COL5A1: variants seen among roughly 807,000 people sequenced by gnomAD.
COL5A1 encodes the protein collagen type V alpha 1 chain, also known as collagen alpha-1(V) chain.
COL5A1 carries 16 observed loss-of-function variants against 263.7 expected under a neutral mutation model. That is an observed-to-expected ratio of 0.06 (90% CI 0.04 to 0.09). COL5A1 has a LOEUF of 0.09. Ranked by LOEUF, COL5A1 falls within the 10% of genes least tolerant of loss-of-function variation. The pLI is 1.00. For synonymous variants in COL5A1, 1,012 were observed against 1,004.5 expected (o/e 1.01, Z -0.14); for missense variants, 2,036 against 2,540.5 (o/e 0.80, Z 4.27).
chr9:134,837,495 T>C (rs1839887298), intron 65 of COL5A1, among the ~76,000 whole-genome samples: 1 of 151,922 alleles, frequency 6.6e-6, no homozygotes, highest in Admixed American at 6.6e-5. Context: ...TCCCAGTTCC[T>C]CTTGAAGCTC....
At position 134,839,051 on chromosome 9, in the gene COL5A1, C is replaced by A. The variant is rs556291967; in HGVS notation, c.5371-3106C>A. Among the ~76,000 whole-genome samples, 10 of 152,358 alleles carry A rather than the reference C, an allele frequency of 6.6e-5. No homozygotes were observed. The South Asian group carries it at 2.1e-3, about 32-fold the overall frequency. ...GAGGCCCTGATGCCCCGAACTCGGG[C>A]CAGCGGCAAAAGCCCTGCCTCAGCC... is the stretch of plus-strand genomic sequence containing the variant. On this transcript the variant is annotated intron_variant, in intron 65 of 65. Coordinates refer to ENST00000371817, the MANE Select transcript of COL5A1 (RefSeq NM_000093.5).
chr9:134,837,989 T>G (rs1839903798), intron 65 of COL5A1, among the ~76,000 whole-genome samples: 1 of 152,184 alleles, frequency 6.6e-6, no homozygotes, highest in South Asian at 2.1e-4. Context: ...GACAGTGATC[T>G]CACTACCTCC....
At chr9:134,812,759 A>G (rs111564392) in intron 48 of COL5A1, 47 bp downstream of exon 48, 1 of 969,712 alleles carries the variant, frequency 1.0e-6, no homozygotes, top group Non-Finnish European at 1.5e-6. Flanking sequence ...TTGTTTGAGG[A>G]GTGTGTGTGT....
intron 46 of COL5A1, among the ~76,000 whole-genome samples, chr9:134,811,831 CTGA>C (rs1157653173): frequency 6.6e-6 from 1 of 152,222 alleles, no homozygotes; most frequent in African/African-American, 2.4e-5. Flanking sequence ...ATTGTGGAAA[CTGA>C]TGATTCGTGA....
At chr9:134,743,518 C>G (rs1588493045) in intron 11 of COL5A1, among the ~76,000 whole-genome samples, 1 of 152,158 alleles carries the variant, frequency 6.6e-6, no homozygotes, top group East Asian at 1.9e-4. Context: ...CTGGGAAGCC[C>G]CAGGGATTCA....
intron 1 of COL5A1, among the ~76,000 whole-genome samples, chr9:134,683,758 G>A (rs997702270): frequency 6.6e-6 from 1 of 152,204 alleles, no homozygotes; most frequent in African/African-American, 2.4e-5. Flanking sequence ...ACCTGAGAGT[G>A]GGTGCTTGTG....
chr9:134,799,296 G>C (rs925900406), intron 37 of COL5A1, among the ~76,000 whole-genome samples: 1 of 152,246 alleles, frequency 6.6e-6, no homozygotes, highest in African/African-American at 2.4e-5. Flanking sequence ...GTGTGTTTCA[G>C]GAAAGGGTGC....
intron 32 of COL5A1, among the ~76,000 whole-genome samples, chr9:134,792,814 T>TGC (rs1588555429): frequency 2.4e-5 from 3 of 126,878 alleles, no homozygotes; most frequent in Admixed American, 8.1e-5. Context: ...CGTGCATGTG[T>TGC]GTGCATGTGT....
chr9:134,662,740 C>T (rs1230921153), intron 1 of COL5A1, among the ~76,000 whole-genome samples: 2 of 152,196 alleles, frequency 1.3e-5, no homozygotes, highest in African/African-American at 2.4e-5. Flanking sequence ...GGGACATGGA[C>T]GGCTGCCAGC....
rs890465030 is a variant in COL5A1 at position 134,742,208 on chromosome 9, C to T, written c.1494+3400C>T. ...TCCATGCTGCATCTGCCTTCTAGCA[C>T]CTCAAATCCTTTCTTGCTCTTGTGC... is the stretch of plus-strand genomic sequence containing the variant. On this transcript the variant is annotated intron_variant, in intron 11 of 65. Transcript: ENST00000371817. This position sits in a 1 kb window ranked among gnomAD's most constrained non-coding sequence, Gnocchi z 4.6. 1.3e-5 allele frequency among the ~76,000 whole-genome samples: 2 copies of T among 152,230 alleles called. No homozygotes were observed. The highest frequency in any genetic ancestry group is 2.4e-5 in the African/African-American group (1 of 41,466).
At chr9:134,760,026 C>CA (rs1836255269) in intron 18 of COL5A1, among the ~76,000 whole-genome samples, 2 of 108,162 alleles carry the variant, frequency 1.8e-5, no homozygotes, top group African/African-American at 4.2e-5. Flanking sequence ...GCACACACAC[C>CA]CACGCACACA....
Position 134,760,458 on chromosome 9 carries a change from C to A in COL5A1, c.1936-1467C>A, listed in dbSNP as rs537823447. On this transcript the variant is annotated intron_variant, in intron 18 of 65. Transcript: ENST00000371817. ...ATGCACACACATGCATACACACCCA[C>A]ACACCCCCACATTCATACACACATG... is the stretch of plus-strand genomic sequence containing the variant. Among the ~76,000 whole-genome samples the A allele has an allele frequency of 6.7e-4, 70 of 104,768 alleles. 3 individuals carry two copies. Among genetic ancestry groups the A allele is most frequent in the African/African-American group, 3.3e-3 (63 of 18,984 alleles). The allele number at this position is 104,768 out of a possible 152,430, so 68.7% of individuals were successfully genotyped here.
intron 4 of COL5A1, among the ~76,000 whole-genome samples, chr9:134,719,491 G>A (rs897203088): frequency 4.6e-5 from 7 of 152,252 alleles, no homozygotes; most frequent in Admixed American, 2.0e-4. Flanking sequence ...CGCTTGGCCT[G>A]CAAGCGGGCC....
chr9:134,802,076 G>T (rs1489835879), intron 38 of COL5A1, 69 bp downstream of exon 38: 2 of 1,481,584 alleles, frequency 1.3e-6, no homozygotes, highest in Admixed American at 1.7e-5. Context: ...GAGGGTCCCA[G>T]CCCGGGCATC....
At chr9:134,685,677 A>T (rs1224657925) in intron 1 of COL5A1, among the ~76,000 whole-genome samples, 1 of 139,756 alleles carries the variant, frequency 7.2e-6, no homozygotes, top group African/African-American at 2.7e-5. Flanking sequence ...CCATCCATCC[A>T]CCATCCATCC....
intron 9 of COL5A1, among the ~76,000 whole-genome samples, chr9:134,736,187 G>T (rs1417499075): frequency 3.8e-5 from 5 of 130,740 alleles, no homozygotes; most frequent in African/African-American, 1.7e-4. Flanking sequence ...CACAACCTTT[G>T]ACTTGTCAGA....
intron 25 of COL5A1, among the ~76,000 whole-genome samples, chr9:134,769,744 G>A (rs763662618): frequency 2.6e-5 from 4 of 151,794 alleles, no homozygotes; most frequent in African/African-American, 4.8e-5. Context: ...GGGCCTGGGT[G>A]TGAAGTGGGC....
intron 60 of COL5A1, 128 bp from the exon 61 acceptor site, chr9:134,823,288 T>C: frequency 9.1e-7 from 1 of 1,103,112 alleles, no homozygotes; most frequent in East Asian, 2.4e-5. Context: ...TGCCATTCTC[T>C]TCTCTGCTGT....
intron 37 of COL5A1, among the ~76,000 whole-genome samples, chr9:134,800,932 G>A (rs1222550881): frequency 6.6e-6 from 1 of 152,152 alleles, no homozygotes; most frequent in African/African-American, 2.4e-5. Flanking sequence ...AGCGTCTAGA[G>A]TTTGCCTCGA....
Sources: gnomAD v4.1 joint callset for allele counts (sites outside exome capture counted in the v4.1 genomes callset) on GRCh38, gnomAD v4.1.1 for gene constraint, Gnocchi (gnomAD v3.1) non-coding constraint, MANE v1.5 for transcripts, NCBI Gene and HGNC (gene_info 2026-07-23, HGNC 2026-07-21) for gene names.